USP49: variants seen among roughly 807,000 people sequenced by gnomAD.
USP49 encodes ubiquitin specific peptidase 49, also known as ubiquitin carboxyl-terminal hydrolase 49.
In USP49, 24 loss-of-function variants were observed where a neutral mutation model predicts 58.6. That is an observed-to-expected ratio of 0.41 (90% confidence interval 0.30 to 0.58). USP49 has a LOEUF of 0.58. USP49 is among the 20% of genes least tolerant of loss of function. USP49 has a pLI of 0.30. For missense variants in USP49, 703 were observed against 866.1 expected (o/e 0.81, Z 2.36); for synonymous variants, 408 against 365.1 (o/e 1.12, Z -1.34).
chr6:41,861,032 G>A (rs1160073569), intron 3 of USP49, among the ~76,000 whole-genome samples: 1 of 152,150 alleles, frequency 6.6e-6, no homozygotes, highest in Non-Finnish European at 1.5e-5. Flanking sequence ...GGGAGGCTGA[G>A]GCAGGAGAAT....
chr6:41,862,789 A>C (rs1774245525), intron 3 of USP49, among the ~76,000 whole-genome samples: 1 of 152,072 alleles, frequency 6.6e-6, no homozygotes, highest in African/African-American at 2.4e-5. Context: ...ACTTTATTTT[A>C]TTTTGAGACA....
At position 41,806,346 on chromosome 6, in the gene USP49, A is replaced by C. The variant is rs1773127351; in HGVS notation, c.638T>G (p.Leu213Arg). The C allele has an allele frequency of 1.3e-6, 2 of 1,530,274 alleles. No homozygotes were observed. Among genetic ancestry groups the C allele is most frequent in the African/African-American group, 2.7e-5 (2 of 72,954 alleles). 94.8% of individuals were successfully genotyped at this position (1,530,274 alleles called of 1,614,324 possible). ...TPPRKSARLL[L>R]HTPRDAGPAA... is the part of the protein sequence containing the mutation. The stretch of plus-strand genomic sequence containing the variant: ...CGGGCCCGCGTCGCGGGGCGTGTGC[A>C]GGAGCAGCCGTGCACTCTTGCGCGG... Residue 213 changes from leucine to arginine, a missense_variant, in exon 4 of 8, where the codon CTG (leucine) becomes CGG (arginine). Around this residue, in one of 6 missense-constraint regions of USP49, gnomAD observed 376 missense variants for 373.5 expected, o/e 1.01. Transcript: ENST00000682992. This position sits in a 1 kb window ranked among gnomAD's most constrained non-coding sequence, Gnocchi z 5.9.
At chr6:41,851,208 A>G (rs777335733) in intron 3 of USP49, among the ~76,000 whole-genome samples, 30 of 152,228 alleles carry the variant, frequency 2.0e-4, no homozygotes, top group Non-Finnish European at 3.7e-4. Context: ...ACAGATGAAT[A>G]TTCTTTGTGA....
intron 3 of USP49, among the ~76,000 whole-genome samples, chr6:41,823,234 G>A (rs1773481440): frequency 1.3e-5 from 2 of 152,204 alleles, no homozygotes; most frequent in African/African-American, 4.8e-5. Context: ...AGGAGACTCA[G>A]TGGTCAACCT....
chr6:41,805,556 C>T, intron 4 of USP49, 72 bp downstream of exon 4: 2 of 1,493,810 alleles, frequency 1.3e-6, no homozygotes, highest in East Asian at 2.3e-5. Context: ...GCCCAATAAC[C>T]CGGGGAAGGC....
chr6:41,814,073 T>G (rs2127329129), intron 3 of USP49, among the ~76,000 whole-genome samples: 1 of 152,324 alleles, frequency 6.6e-6, no homozygotes, highest in Non-Finnish European at 1.5e-5. Context: ...CATCATCCAG[T>G]GTGACAGGCA....
intron 3 of USP49, among the ~76,000 whole-genome samples, chr6:41,807,744 ATATG>A (rs1226579382): frequency 2.7e-5 from 4 of 150,314 alleles, no homozygotes; most frequent in South Asian, 2.1e-4. Flanking sequence ...GCACAGCCGT[ATATG>A]TGTTTTTTAA....
intron 1 of USP49, chr6:41,893,945 T>C (rs1177737150): frequency 2.6e-5 from 4 of 151,934 alleles, no homozygotes; most frequent in African/African-American, 9.7e-5. Flanking sequence ...TGGTTCCTCG[T>C]CTTCTGCACC....
rs969285860 is a variant in USP49, at chr6:41,827,415, T to C, written c.-28-20404A>G. On this transcript the variant is annotated intron_variant, in intron 3 of 7. Transcript: ENST00000682992. Reference sequence around the variant, plus strand: ...TGGCTCACGCCTGTAATCCCAGGACTTTGGGAGGCCGAGGCGGATGGATCA... The same window carrying C: ...TGGCTCACGCCTGTAATCCCAGGACCTTGGGAGGCCGAGGCGGATGGATCA... 2.0e-5 allele frequency among the ~76,000 whole-genome samples: 3 copies of C among 152,126 alleles called. 1 individual carries two copies. The highest frequency in any genetic ancestry group is 2.0e-4 in the Admixed American group (3 of 15,276).
chr6:41,796,681 C>T lies in USP49; in HGVS notation c.1919G>A (p.Ser640Asn), dbSNP rs995599626. The T allele has an allele frequency of 1.4e-6, 1 of 717,376 alleles. No homozygotes were observed. Among genetic ancestry groups the T allele is most frequent in the South Asian group, 1.5e-5 (1 of 67,610 alleles). The allele number at this position is 717,376 out of a possible 1,614,324, so 44.4% of individuals were successfully genotyped here. A position where few individuals can be genotyped will look rare whatever the true frequency, so the allele number is the denominator to read the frequency against. The change falls in exon 8 of 8, where the codon AGT (serine) becomes AAT (asparagine). Residue 640 changes from serine (S) to asparagine (N), a missense_variant. By Grantham distance (46) the Ser-to-Asn change is conservative. Around this residue, in one of 6 missense-constraint regions of USP49, gnomAD observed 158 missense variants for 241.2 expected, o/e 0.66. Coordinates refer to ENST00000682992, the MANE Select transcript of USP49 (RefSeq NM_001286554.2). ...CTGGGTTTTGCACACTTCCTCGACA[C>T]TGCATACATTCAGCTTTGAGTCATT... ...HCNDSKLNVC[S>N]VEEVCKTQAY...
chr6:41,833,638 AC>A (rs1198791216), intron 3 of USP49, among the ~76,000 whole-genome samples: 1 of 152,196 alleles, frequency 6.6e-6, no homozygotes, highest in East Asian at 1.9e-4. Context: ...ACTATACCAA[AC>A]CTTCTCTCTC....
chr6:41,894,413 G>A (rs1006638379), intron 1 of USP49: 2 of 151,946 alleles, frequency 1.3e-5, no homozygotes, highest in African/African-American at 4.9e-5. Context: ...ACTCCACCTG[G>A]TTCCAGTCCA....
At chr6:41,831,580 CA>C (rs57125790) in intron 3 of USP49, among the ~76,000 whole-genome samples, 5,109 of 114,192 alleles carry the variant, frequency 0.045, 128 homozygotes, top group African/African-American at 0.097. Flanking sequence ...AACTCCATCT[CA>C]AAAAAAAAAA....
intron 3 of USP49, among the ~76,000 whole-genome samples, chr6:41,848,707 T>C (rs922187554): frequency 6.6e-6 from 1 of 151,502 alleles, no homozygotes; most frequent in African/African-American, 2.4e-5. Flanking sequence ...TACAAAAAAT[T>C]AGCCAGGTGC....
intron 3 of USP49, among the ~76,000 whole-genome samples, chr6:41,840,576 G>T (rs533615671): frequency 6.6e-6 from 1 of 152,062 alleles, no homozygotes; most frequent in Admixed American, 6.6e-5. Flanking sequence ...GCAACTGGAT[G>T]AATCTCAAGG....
chr6:41,820,882 T>A (rs898453584), intron 3 of USP49, among the ~76,000 whole-genome samples: 11 of 152,080 alleles, frequency 7.2e-5, no homozygotes, highest in Non-Finnish European at 1.0e-4. Context: ...GTGCCTGTAG[T>A]CCTAGCTACT....
chr6:41,806,737 C>T lies in USP49; in HGVS notation c.247G>A (p.Val83Met). The change falls in exon 4 of 8, where the codon GTG becomes ATG. Residue 83 changes from valine (V) to methionine (M), a missense_variant. Transcript: ENST00000682992. This position sits in a 1 kb window ranked among gnomAD's most constrained non-coding sequence, Gnocchi z 5.9. ...YVFCYLCKDY[V>M]LNDNPEGDLK... is the part of the protein sequence containing the mutation. ...TCCCCCTCTGGGTTATCATTGAGCACGTAGTCCTTGCACAGGTAACAGAAC... is the reference window on the plus strand; with the variant it reads ...TCCCCCTCTGGGTTATCATTGAGCATGTAGTCCTTGCACAGGTAACAGAAC... The T allele has an allele frequency of 3.1e-6, 5 of 1,614,234 alleles. No homozygotes were observed. The highest frequency in any genetic ancestry group is 4.2e-6 in the Non-Finnish European group (5 of 1,180,026).
At chr6:41,874,686 G>A (rs1774472808) in intron 2 of USP49, among the ~76,000 whole-genome samples, 1 of 152,172 alleles carries the variant, frequency 6.6e-6, no homozygotes, top group Admixed American at 6.5e-5. Context: ...TACCAGGCTG[G>A]GAGCAGTAGC....
intron 2 of USP49, among the ~76,000 whole-genome samples, chr6:41,888,831 C>T (rs924804802): frequency 6.6e-6 from 1 of 151,908 alleles, no homozygotes; most frequent in African/African-American, 2.4e-5. Flanking sequence ...CTTCAGGTCA[C>T]GAGTTTATCA....
Sources: gnomAD v4.1 joint callset for allele counts (sites outside exome capture counted in the v4.1 genomes callset) on GRCh38, gnomAD v4.1.1 for gene constraint, gnomAD v4.1.1 regional missense constraint, Gnocchi (gnomAD v3.1) non-coding constraint, MANE v1.5 for transcripts, NCBI Gene and HGNC (gene_info 2026-07-23, HGNC 2026-07-21) for gene names.